The following GLS2 variants were observed in gnomAD, a reference collection of about 807,000 sequenced individuals.
GLS2 encodes the protein glutaminase 2.
In GLS2, 52 loss-of-function variants were observed where a neutral mutation model predicts 79.0. That is an observed-to-expected ratio of 0.66 (90% CI 0.53 to 0.83). GLS2 has a LOEUF of 0.83. GLS2 is among the 40% of genes least tolerant of loss of function. The pLI, the probability that GLS2 is intolerant of heterozygous loss-of-function variation, is 0.00. For missense variants in GLS2, 561 were observed against 764.8 expected, an observed-to-expected ratio of 0.73 and a Z score of 3.14; for synonymous variants, 238 against 280.8, an observed-to-expected ratio of 0.85 and a Z score of 1.52.
chr12:56,479,217 G>C, intron 3 of GLS2, 36 bp from the exon 4 acceptor site: 1 of 1,607,396 alleles, frequency 6.2e-7, no homozygotes, highest in Non-Finnish European at 8.5e-7. Context: ...GGGGGCTAGA[G>C]AAATGCAGCT....
Position 56,479,779 on chromosome 12 carries a change from C to T in GLS2, c.404+1G>A, listed in dbSNP as rs1318948271. 3.1e-6 allele frequency: 5 copies of T among 1,595,932 alleles called. No homozygotes were observed. Among genetic ancestry groups the T allele is most frequent in the African/African-American group, 2.7e-5 (2 of 74,444 alleles). On this transcript the variant is annotated splice_donor_variant, in intron 3 of 17. Transcript: ENST00000311966. LOFTEE classifies it high-confidence loss of function. Reference sequence around the variant, plus strand: ...AGTGCCCTTGTTTCTGGGGCCCTCACTTTCGGAAGAGATCTCGGTCCAAGA... The same window carrying T: ...AGTGCCCTTGTTTCTGGGGCCCTCATTTTCGGAAGAGATCTCGGTCCAAGA...
At chr12:56,478,322 G>A in intron 4 of GLS2, 60 bp from the exon 5 acceptor site, 2 of 1,548,126 alleles carry the variant, frequency 1.3e-6, no homozygotes, top group Non-Finnish European at 1.8e-6. Context: ...CAGAGTTGAG[G>A]TTGAGGGTCA....
At position 56,488,070 on chromosome 12, in the gene GLS2, G is replaced by T; in HGVS notation, c.49C>A (p.His17Asn). 1 of 1,578,918 alleles carries T rather than the reference G, an allele frequency of 6.3e-7. No individual in the cohort carries two copies. The highest frequency in any genetic ancestry group is 8.6e-7 in the Non-Finnish European group (1 of 1,169,482). The change falls in exon 1 of 18, where the codon CAC becomes AAC. Residue 17 changes from histidine (H) to asparagine (N), a missense_variant. Physicochemically the swap from His to Asn is moderately conservative, Grantham distance 68 (BLOSUM62 1). This residue lies in a region of GLS2 where 161 missense variants were observed against 167.8 expected (regional missense o/e 0.96). Transcript: ENST00000311966. ...LQKALSRAGS[H>N]CGRGGWGHPS... ...TGACCCCAGCCTCCTCGCCCGCAGTGACTGCCAGCCCGGCTCAGGGCCTTC... is the reference window on the plus strand; with the variant it reads ...TGACCCCAGCCTCCTCGCCCGCAGTTACTGCCAGCCCGGCTCAGGGCCTTC...
At chr12:56,472,482 A>G (rs1869372687) in intron 15 of GLS2, 3 of 613,330 alleles carry the variant, frequency 4.9e-6, no homozygotes, top group Non-Finnish European at 8.6e-6. Flanking sequence ...TTAACACTCA[A>G]TAACAATGGC....
intron 1 of GLS2, among the ~76,000 whole-genome samples, chr12:56,484,421 A>G (rs1281554266): frequency 1.3e-5 from 2 of 152,194 alleles, no homozygotes; most frequent in Non-Finnish European, 1.5e-5. Context: ...TATTGAAACA[A>G]TGGATTAAAA....
Position 56,471,352 on chromosome 12 carries a change from C to A in GLS2, c.*135G>T. On this transcript the variant is annotated 3_prime_UTR_variant, in exon 18 of 18. Transcript: ENST00000311966. ...GGTATTTTGACTCCCATAGAAAGCA[C>A]TAGCCTAAGTCACCAAATGACTGCT... 1.0e-6 allele frequency: 1 copy of A among 957,864 alleles called. No homozygotes were observed. The highest frequency in any genetic ancestry group is 1.5e-6 in the Non-Finnish European group (1 of 662,134). The allele number at this position is 957,864 out of a possible 1,614,324, so 59.3% of individuals were successfully genotyped here.
chr12:56,474,711 C>T lies in GLS2; in HGVS notation c.1057G>A (p.Val353Met), dbSNP rs923600307. Residue 353 changes from valine (V) to methionine (M), a missense_variant, in exon 12 of 18, where the codon GTG becomes ATG. Val to Met is a conservative substitution (Grantham distance 21). Coordinates refer to ENST00000311966, the MANE Select transcript of GLS2 (RefSeq NM_013267.4). ...ALDLYFQLCS[V>M]EVTCESGSVM... ...CTGCCTGATTCACAAGTGACCTCCA[C>T]AGAACACAGCTATGAAAACAAAGAA... The T allele has an allele frequency of 6.2e-7, 1 of 1,609,232 alleles. No individual in the cohort carries two copies. The highest frequency in any genetic ancestry group is 8.5e-7 in the Non-Finnish European group (1 of 1,176,806).
intron 3 of GLS2, 163 bp from the exon 4 acceptor site, chr12:56,479,344 T>G (rs886398861): frequency 3.5e-5 from 27 of 771,296 alleles, no homozygotes; most frequent in Admixed American, 6.7e-5. Flanking sequence ...GGTCTTAGTT[T>G]CCGTACCTCT....
chr12:56,477,758 C>G, intron 6 of GLS2, 40 bp from the exon 7 acceptor site: 2 of 1,591,254 alleles, frequency 1.3e-6, no homozygotes, highest in Non-Finnish European at 8.6e-7. Context: ...AGCCACTGAA[C>G]AAAGCCTCCC....
intron 4 of GLS2, 41 bp from the exon 5 acceptor site, chr12:56,478,303 G>A (rs777480951): frequency 2.5e-6 from 4 of 1,590,840 alleles, no homozygotes; most frequent in Non-Finnish European, 2.6e-6. Flanking sequence ...TGGATGTGGA[G>A]AAGAGGAACA....
At chr12:56,474,775 C>G in intron 11 of GLS2, 55 bp from the exon 12 acceptor site, 1 of 1,612,300 alleles carries the variant, frequency 6.2e-7, no homozygotes, top group Non-Finnish European at 8.5e-7. Flanking sequence ...ATGGGACCCT[C>G]GGGTGTAGGG....
intron 15 of GLS2, 84 bp from the exon 16 acceptor site, chr12:56,472,279 T>C: frequency 7.8e-7 from 1 of 1,281,818 alleles, no homozygotes; most frequent in Non-Finnish European, 1.1e-6. Flanking sequence ...TCAGACTGGA[T>C]GAGTTTCAGA....
At chr12:56,474,810 G>A (rs751517700) in intron 11 of GLS2, 36 bp downstream of exon 11, 5 of 1,613,516 alleles carry the variant, frequency 3.1e-6, no homozygotes, top group East Asian at 4.5e-5. Context: ...AGGACAGTCT[G>A]TCCTGTTCCC....
chr12:56,480,856 C>A (rs1306307818), intron 1 of GLS2, among the ~76,000 whole-genome samples: 1 of 152,200 alleles, frequency 6.6e-6, no homozygotes, highest in Admixed American at 6.5e-5. Flanking sequence ...TCCACCCTCT[C>A]CTCCTTTTCC....
At chr12:56,474,237 A>C in intron 12 of GLS2, 1 of 356,012 alleles carries the variant, frequency 2.8e-6, no homozygotes, top group Middle Eastern at 9.5e-4. Flanking sequence ...TTACAGGTGC[A>C]CACCACCACC....
At chr12:56,485,485 G>A (rs1254045154) in intron 1 of GLS2, among the ~76,000 whole-genome samples, 2 of 151,034 alleles carry the variant, frequency 1.3e-5, no homozygotes, top group African/African-American at 4.9e-5. Flanking sequence ...AGCTGGTTTC[G>A]AACTCCTGAG....
At position 56,473,049 on chromosome 12, in the gene GLS2, C is replaced by T. The variant is rs1869450659; in HGVS notation, c.1449+179G>A. 9.4e-6 allele frequency: 6 copies of T among 635,018 alleles called. No homozygotes were observed. In the East Asian group the frequency reaches 1.7e-4, roughly 18 times the overall value. The allele number at this position is 635,018 out of a possible 1,614,324, so 39.3% of individuals were successfully genotyped here. The stretch of plus-strand genomic sequence containing the variant: ...GGACCACAGGCGCGTGCCACCACGT[C>T]TGGCTAATTTTTTGTATTTTCAATA... On this transcript the variant is annotated intron_variant, in intron 14 of 17. Coordinates refer to ENST00000311966, the MANE Select transcript of GLS2 (RefSeq NM_013267.4).
intron 2 of GLS2, 138 bp downstream of exon 2, chr12:56,480,150 A>G (rs2136190425): frequency 2.4e-6 from 2 of 833,284 alleles, no homozygotes; most frequent in Non-Finnish European, 3.8e-6. Context: ...CAGCCTAGAC[A>G]TCTGGATTCT....
intron 7 of GLS2, chr12:56,476,601 T>G (rs1485551631): frequency 6.7e-6 from 1 of 149,844 alleles, no homozygotes; most frequent in Non-Finnish European, 1.5e-5. Context: ...TTTTTTTTTT[T>G]TTTTTTTTTT....
Sources: gnomAD v4.1 joint callset for allele counts (sites outside exome capture counted in the v4.1 genomes callset) on GRCh38, gnomAD v4.1.1 for gene constraint, gnomAD v4.1.1 regional missense constraint, MANE v1.5 for transcripts, NCBI Gene and HGNC (gene_info 2026-07-23, HGNC 2026-07-21) for gene names.